The following TDP1 variants were observed in gnomAD, a reference collection of about 807,000 sequenced individuals.
TDP1 encodes the protein tyrosyl-DNA phosphodiesterase 1.
A neutral mutation model predicts 81.5 loss-of-function variants in TDP1; 64 were observed. The observed-to-expected ratio is 0.79, with a 90% CI of 0.64 to 0.97. TDP1 has a LOEUF of 0.97. Among genes scored for constraint, TDP1 ranks in the 50% least tolerant of loss-of-function variants. TDP1 has a pLI of 0.00. For synonymous variants in TDP1, 256 were observed against 264.3 expected (o/e 0.97, Z 0.30); for missense variants, 723 against 743.8 (o/e 0.97, Z 0.33).
chr14:90,016,976 T>C (rs762796863), intron 14 of TDP1, among the ~76,000 whole-genome samples: 1 of 151,962 alleles, frequency 6.6e-6, no homozygotes, highest in Non-Finnish European at 1.5e-5. Context: ...ACCACAGCAC[T>C]TGGGAGAGAA....
rs765132700 is a variant in TDP1, at chr14:89,967,411, A to G, written c.648A>G (p.Pro216=). ...FDVDWLVKQY[P]PEFRKKPILL... Reference sequence around the variant, plus strand: ...TGGACTGGCTCGTAAAACAGTATCCACCAGAGTTCAGGTGAGTTCCTCAGG... The same window carrying G: ...TGGACTGGCTCGTAAAACAGTATCCGCCAGAGTTCAGGTGAGTTCCTCAGG... The change falls in exon 5 of 17, where the codon CCA becomes CCG. Residue 216 remains proline (P), a synonymous_variant. Coordinates refer to ENST00000335725, the MANE Select transcript of TDP1 (RefSeq NM_018319.4). The G allele has an allele frequency of 1.2e-6, 2 of 1,614,008 alleles. No homozygotes were observed. Among genetic ancestry groups the G allele is most frequent in the Admixed American group, 1.7e-5 (1 of 60,026 alleles).
chr14:90,009,871 C>T (rs1884492629), intron 14 of TDP1, among the ~76,000 whole-genome samples: 1 of 151,920 alleles, frequency 6.6e-6, no homozygotes, highest in African/African-American at 2.4e-5. Flanking sequence ...ACAAAGGCAC[C>T]AATGTAATTC....
rs747589486 is a variant in TDP1, at chr14:89,963,165, A to C, written c.51A>C (p.Glu17Asp). The C allele has an allele frequency of 3.1e-6, 5 of 1,614,148 alleles. No homozygotes were observed. The South Asian group carries it at 5.5e-5, about 18-fold the overall frequency. The change falls in exon 3 of 17, where the codon GAA (glutamate) becomes GAC (aspartate). Residue 17 changes from glutamate to aspartate, a missense_variant. Physicochemically the swap from Glu to Asp is conservative, Grantham distance 45. Coordinates refer to ENST00000335725, the MANE Select transcript of TDP1 (RefSeq NM_018319.4). Reference sequence around the variant, plus strand: ...GGTGGACCATATCTAGTAGTGATGAAAGTGAGGAAGAAAAGCCAAAACCAG... The same window carrying C: ...GGTGGACCATATCTAGTAGTGATGACAGTGAGGAAGAAAAGCCAAAACCAG... ...YGRWTISSSD[E>D]SEEEKPKPDK...
chr14:89,985,011 A>C, intron 9 of TDP1, 121 bp from the exon 10 acceptor site: 3 of 1,340,546 alleles, frequency 2.2e-6, no homozygotes, highest in Non-Finnish European at 3.1e-6. Context: ...CAATTCAAGA[A>C]AATGGATTGG....
intron 7 of TDP1, chr14:89,980,110 A>G (rs910676938): frequency 8.3e-6 from 8 of 965,034 alleles, no homozygotes; most frequent in Non-Finnish European, 9.9e-6. Flanking sequence ...GTAATTAAAT[A>G]TATACAGTAT....
At chr14:89,963,045 A>G (rs935789480) in intron 2 of TDP1, 63 bp from the exon 3 acceptor site, 20 of 1,612,872 alleles carry the variant, frequency 1.2e-5, no homozygotes, top group Non-Finnish European at 1.7e-5. Flanking sequence ...TGAGAGCAAT[A>G]AAGTTATTTT....
rs1232088726 is a variant in TDP1 at position 89,989,744 on chromosome 14, A to T, written c.1345A>T (p.Thr449Ser). 1 of 1,611,490 alleles carries T rather than the reference A, an allele frequency of 6.2e-7. No individual in the cohort carries two copies. Residue 449 changes from threonine (T) to serine (S), a missense_variant, in exon 12 of 17, where the codon ACC becomes TCC. Transcript: ENST00000335725. ...LIYPSVENVR[T>S]SLEGYPAGGS... ...CTATCCTTCTGTGGAAAATGTGCGG[A>T]CCAGTTTAGAAGGATATCCTGGTAA...
In TDP1 at chr14:89,998,370, CATTA is replaced by C. The variant is rs1206772834; in HGVS notation, c.1541+4888_1541+4891del. Among the ~76,000 whole-genome samples the C allele has an allele frequency of 6.0e-3, 592 of 98,248 alleles. 5 individuals are homozygous for C. Among genetic ancestry groups the C allele is most frequent in the Middle Eastern group, 0.017 (3 of 174 alleles). The allele number at this position is 98,248 out of a possible 152,430, so 64.5% of individuals were successfully genotyped here. ...GCAGTTCCAGGCACAGTTCCAAGCA[CATTA>C]TATATATATATATATATATATATAT... is the stretch of plus-strand genomic sequence containing the variant. On this transcript the variant is annotated intron_variant, in intron 14 of 16. Transcript: ENST00000335725.
intron 8 of TDP1, chr14:89,983,372 G>C: frequency 4.3e-6 from 1 of 230,926 alleles, no homozygotes; most frequent in South Asian, 4.6e-5. Flanking sequence ...AGGGTGGGAA[G>C]CAGGGGTATG....
At chr14:89,968,094 A>G (rs2139984335) in intron 5 of TDP1, among the ~76,000 whole-genome samples, 1 of 152,104 alleles carries the variant, frequency 6.6e-6, no homozygotes, top group South Asian at 2.1e-4. Context: ...CAGATTGTGG[A>G]AACCTTTGAC....
At chr14:89,994,541 A>C (rs1896500957) in intron 14 of TDP1, among the ~76,000 whole-genome samples, 1 of 152,250 alleles carries the variant, frequency 6.6e-6, no homozygotes, top group Admixed American at 6.5e-5. Flanking sequence ...TGGAGATTAA[A>C]GTAACCCTGT....
In TDP1 at chr14:90,028,296, G is replaced by T. The variant is rs571099921; in HGVS notation, c.1645-4810G>T. 2.0e-5 allele frequency among the ~76,000 whole-genome samples: 3 copies of T among 152,324 alleles called. No individual in the cohort carries two copies. The South Asian group carries it at 6.2e-4, about 32-fold the overall frequency. ...ATCACTGTTTTATCCAGGAAAGCCT[G>T]ATGCCTTGTGTAGGGTTTTACCACT... On this transcript the variant is annotated intron_variant, in intron 15 of 16. Coordinates refer to ENST00000335725, the MANE Select transcript of TDP1 (RefSeq NM_018319.4).
chr14:90,015,863 G>A (rs1299347914), intron 14 of TDP1, among the ~76,000 whole-genome samples: 9 of 152,084 alleles, frequency 5.9e-5, no homozygotes, highest in Non-Finnish European at 1.0e-4. Flanking sequence ...TTGGGGGTTA[G>A]GATTTCAACA....
chr14:89,975,790 G>A lies in TDP1; in HGVS notation c.766G>A (p.Asp256Asn), dbSNP rs750355594. 1.9e-5 allele frequency: 31 copies of A among 1,612,890 alleles called. No individual in the cohort carries two copies. The highest frequency in any genetic ancestry group is 4.2e-6 in the Non-Finnish European group (5 of 1,179,062). The part of the protein sequence containing the change: ...ENISLCQAKL[D>N]IAFGTHHTKM... ...TTCTTTTTCATCCTAGGCAAAGTTG[G>A]ATATTGCGTTTGGAACACACCACAC... The change falls in exon 7 of 17, where the codon GAT becomes AAT. Residue 256 changes from aspartate to asparagine, a missense_variant. Transcript: ENST00000335725.
At chr14:90,018,331 A>G (rs1352955239) in intron 14 of TDP1, among the ~76,000 whole-genome samples, 3 of 152,340 alleles carry the variant, frequency 2.0e-5, no homozygotes, top group African/African-American at 7.2e-5. Flanking sequence ...AGTCTCTGCC[A>G]CATTCGCTTA....
intron 14 of TDP1, among the ~76,000 whole-genome samples, chr14:90,015,233 C>A (rs944980499): frequency 1.3e-5 from 2 of 152,188 alleles, no homozygotes; most frequent in African/African-American, 4.8e-5. Flanking sequence ...GTCCAGGGCT[C>A]TTTTCTCAGC....
intron 15 of TDP1, among the ~76,000 whole-genome samples, chr14:90,019,994 C>G (rs1257725223): frequency 1.3e-5 from 2 of 152,274 alleles, no homozygotes; most frequent in African/African-American, 4.8e-5. Context: ...ACATGTGCTT[C>G]TGGCCCAGTA....
intron 5 of TDP1, among the ~76,000 whole-genome samples, chr14:89,968,277 A>G (rs1257445212): frequency 6.6e-6 from 1 of 152,080 alleles, no homozygotes; most frequent in Non-Finnish European, 1.5e-5. Flanking sequence ...ACACATTCAG[A>G]TGGTAAACAT....
chr14:90,021,000 T>C (rs780086422), intron 15 of TDP1, among the ~76,000 whole-genome samples: 1 of 151,846 alleles, frequency 6.6e-6, no homozygotes, highest in Non-Finnish European at 1.5e-5. Flanking sequence ...TTCACCATGT[T>C]GGCCAAGTCT....
Sources: gnomAD v4.1 joint callset for allele counts (sites outside exome capture counted in the v4.1 genomes callset) on GRCh38, gnomAD v4.1.1 for gene constraint, MANE v1.5 for transcripts, NCBI Gene and HGNC (gene_info 2026-07-23, HGNC 2026-07-21) for gene names.